OXR1: variants seen among roughly 807,000 people sequenced by gnomAD.
The protein encoded by OXR1 is oxidation resistance protein 1.
In OXR1, 41 loss-of-function variants were observed where a neutral mutation model predicts 104.6. The observed-to-expected ratio is 0.39, with a 90% CI of 0.31 to 0.51. The LOEUF (loss-of-function observed/expected upper bound fraction) is 0.51, where lower values mean the gene tolerates loss of function less well. Ranked by LOEUF, OXR1 falls within the 20% of genes least tolerant of loss-of-function variation. The probability of loss-of-function intolerance (pLI) is 0.77; values close to 1 mark genes in which losing one functional copy is unlikely to be tolerated. For missense variants in OXR1, 955 were observed against 1,031.9 expected (o/e 0.93, Z 1.02); for synonymous variants, 348 against 348.4 (o/e 1.00, Z 0.01).
chr8:106,697,078 C>T (rs746847919), intron 7 of OXR1, among the ~76,000 whole-genome samples: 40 of 152,218 alleles, frequency 2.6e-4, no homozygotes, highest in Non-Finnish European at 5.3e-4. Flanking sequence ...ATGGAATGAA[C>T]GGAGGGCACA....
chr8:106,730,098 GT>G (rs1285505032), intron 11 of OXR1, among the ~76,000 whole-genome samples: 2 of 151,926 alleles, frequency 1.3e-5, no homozygotes, highest in Admixed American at 1.3e-4. Context: ...TTTTAGATCA[GT>G]ATTAGGTTTA....
chr8:106,583,442 A>G (rs1818399888), intron 3 of OXR1, among the ~76,000 whole-genome samples: 1 of 152,192 alleles, frequency 6.6e-6, no homozygotes, highest in Non-Finnish European at 1.5e-5. Context: ...TCTCCTAAGC[A>G]TTTCAAACAT....
At chr8:106,405,673 G>T (rs1818208479) in intron 2 of OXR1, among the ~76,000 whole-genome samples, 1 of 152,066 alleles carries the variant, frequency 6.6e-6, no homozygotes, top group South Asian at 2.1e-4. Flanking sequence ...AGCCAGAATT[G>T]AGTCAACCCA....
At chr8:106,454,535 A>T (rs1820497724) in intron 2 of OXR1, among the ~76,000 whole-genome samples, 1 of 151,938 alleles carries the variant, frequency 6.6e-6, no homozygotes, top group African/African-American at 2.4e-5. Context: ...AGTTGCTGAC[A>T]CCTACTTTGC....
chr8:106,676,646 G>T (rs1181766429), intron 3 of OXR1, among the ~76,000 whole-genome samples: 1 of 152,048 alleles, frequency 6.6e-6, no homozygotes, highest in African/African-American at 2.4e-5. Flanking sequence ...TAGGGTTTCA[G>T]CTGAGAGGTC....
rs1820578503 is a variant in OXR1 at position 106,456,007 on chromosome 8, A to G, written c.24-62936A>G. Among the ~76,000 whole-genome samples, 5 of 152,230 alleles carry G rather than the reference A, an allele frequency of 3.3e-5. 1 individual carries two copies. The highest frequency in any genetic ancestry group is 7.3e-5 in the Non-Finnish European group (5 of 68,038). ...TATTAAATTCTGTAAACTTAATGACATTTCACTTCAATCTATACAGGAAGT... is the reference window on the plus strand; with the variant it reads ...TATTAAATTCTGTAAACTTAATGACGTTTCACTTCAATCTATACAGGAAGT... On this transcript the variant is annotated intron_variant, in intron 2 of 16. Coordinates refer to ENST00000517566, the MANE Select transcript of OXR1 (RefSeq NM_001198533.2).
intron 3 of OXR1, among the ~76,000 whole-genome samples, chr8:106,595,378 C>T (rs142436688): frequency 3.1e-4 from 47 of 151,868 alleles, no homozygotes; most frequent in African/African-American, 9.4e-4. Context: ...AGCGAAACCC[C>T]GTCTCTACTA....
intron 3 of OXR1, among the ~76,000 whole-genome samples, chr8:106,574,279 C>T (rs568231887): frequency 6.6e-6 from 1 of 152,264 alleles, no homozygotes; most frequent in South Asian, 2.1e-4. Context: ...TTTTTGGTAT[C>T]AAGGGTAGAT....
At chr8:106,555,106 A>C (rs1318835803) in intron 3 of OXR1, among the ~76,000 whole-genome samples, 3 of 152,150 alleles carry the variant, frequency 2.0e-5, no homozygotes, top group Non-Finnish European at 4.4e-5. Flanking sequence ...TGTACGTTAG[A>C]TCCTTCGATG....
At chr8:106,481,218 T>C (rs1340699040) in intron 2 of OXR1, among the ~76,000 whole-genome samples, 1 of 152,010 alleles carries the variant, frequency 6.6e-6, no homozygotes, top group Admixed American at 6.6e-5. Flanking sequence ...CATAAGACCC[T>C]TAATGTTACA....
intron 1 of OXR1, among the ~76,000 whole-genome samples, chr8:106,305,157 A>G (rs1254024844): frequency 3.9e-5 from 6 of 152,166 alleles, no homozygotes; most frequent in Non-Finnish European, 7.4e-5. Flanking sequence ...TTGAAGTGTT[A>G]CACTACTTTC....
intron 1 of OXR1, among the ~76,000 whole-genome samples, chr8:106,282,269 C>CA (rs2130500268): frequency 6.6e-6 from 1 of 152,244 alleles, no homozygotes; most frequent in South Asian, 2.1e-4. Flanking sequence ...AAGTAATTAG[C>CA]AGTACCTGTC....
chr8:106,466,430 A>G (rs2130663725), intron 2 of OXR1, among the ~76,000 whole-genome samples: 1 of 151,946 alleles, frequency 6.6e-6, no homozygotes, highest in Non-Finnish European at 1.5e-5. Flanking sequence ...TTTACATTAA[A>G]CTAGTGTAGT....
At chr8:106,286,513 A>G (rs975703232) in intron 1 of OXR1, among the ~76,000 whole-genome samples, 1 of 152,140 alleles carries the variant, frequency 6.6e-6, no homozygotes, top group African/African-American at 2.4e-5. Context: ...GCCCTGAGCC[A>G]AAAAGAGTTT....
intron 3 of OXR1, among the ~76,000 whole-genome samples, chr8:106,591,229 T>C (rs1199034233): frequency 3.0e-5 from 4 of 132,918 alleles, no homozygotes; most frequent in Admixed American, 8.9e-5. Flanking sequence ...TAGGTGGGAA[T>C]TGAACAATGA....
chr8:106,677,051 C>G (rs556110336), intron 3 of OXR1, among the ~76,000 whole-genome samples: 3 of 152,060 alleles, frequency 2.0e-5, no homozygotes, highest in Admixed American at 1.3e-4. Context: ...TATTATGAAA[C>G]ACAGATCGAA....
chr8:106,352,873 C>A (rs1815793902), intron 1 of OXR1, among the ~76,000 whole-genome samples: 1 of 152,104 alleles, frequency 6.6e-6, no homozygotes, highest in African/African-American at 2.4e-5. Context: ...AGCGAATATC[C>A]TTTTGATTTT....
At chr8:106,555,346 C>T (rs1816184247) in intron 3 of OXR1, among the ~76,000 whole-genome samples, 2 of 152,070 alleles carry the variant, frequency 1.3e-5, no homozygotes, top group South Asian at 4.2e-4. Context: ...TAGAGGCTCC[C>T]ACTAAAAATC....
chr8:106,370,238 A>G (rs141639542), intron 2 of OXR1, among the ~76,000 whole-genome samples: 4 of 152,282 alleles, frequency 2.6e-5, no homozygotes, highest in East Asian at 1.9e-4. Context: ...TGATTTTTGC[A>G]GATTGGTTTT....
Sources: allele counts gnomAD v4.1 joint callset (sites outside exome capture counted in the v4.1 genomes callset), GRCh38; gene constraint gnomAD v4.1.1; transcripts MANE v1.5; gene names NCBI Gene and HGNC (gene_info 2026-07-23, HGNC 2026-07-21).